RAVER1: variants seen among roughly 807,000 people sequenced by gnomAD.
The protein encoded by RAVER1 is ribonucleoprotein PTB-binding 1.
A neutral mutation model predicts 68.4 loss-of-function variants in RAVER1; 36 were observed. The observed-to-expected ratio is 0.53, with a 90% CI of 0.40 to 0.70. The LOEUF is 0.70. RAVER1 is among the 30% of genes least tolerant of loss of function. The pLI, the probability that RAVER1 is intolerant of heterozygous loss-of-function variation, is 0.00. For synonymous variants in RAVER1, 469 were observed against 472.7 expected (o/e 0.99, Z 0.10); for missense variants, 933 against 1,019.8 (o/e 0.91, Z 1.16).
intron 3 of RAVER1, among the ~76,000 whole-genome samples, chr19:10,325,530 C>T (rs796814770): frequency 2.0e-5 from 3 of 152,136 alleles, no homozygotes; most frequent in African/African-American, 7.2e-5. Context: ...TGCCATGAGA[C>T]AGGGTTTTAC....
At position 10,318,364 on chromosome 19, in the gene RAVER1, G is replaced by C; in HGVS notation, c.1854C>G (p.Pro618=). The C allele has an allele frequency of 6.3e-7, 1 of 1,598,772 alleles. No homozygotes were observed. Among genetic ancestry groups the C allele is most frequent in the South Asian group, 1.1e-5 (1 of 89,484 alleles). Residue 618 remains proline (P), a synonymous_variant, in exon 11 of 13, where the codon CCC becomes CCG. Transcript: ENST00000617231. ...TCCGTTCGCCGAAGCCACTGGGCGG[G>C]GGGGACATCTGTAGAAGAAGGGCCG... The part of the protein sequence containing the change: ...PHGPSRHKMS[P]PPSGFGERSS...
At position 10,328,652 on chromosome 19, in the gene RAVER1, G is replaced by A. The variant is rs370693781; in HGVS notation, c.746C>T (p.Thr249Ile). Residue 249 changes from threonine to isoleucine, a missense_variant, in exon 3 of 13, where the codon ACC (threonine) becomes ATC (isoleucine). Transcript: ENST00000617231. This position sits in a 1 kb window ranked among gnomAD's most constrained non-coding sequence, Gnocchi z 4.4. ...CTCCACAGGGCTCACCTGGCAGAAG[G>A]TGGGGCTGTGGACAGCTGACAGCGC... ...CRALSAVHSP[T>I]FCQLACGQDG... 2.6e-6 allele frequency: 4 copies of A among 1,558,926 alleles called. No individual in the cohort carries two copies. The highest frequency in any genetic ancestry group is 3.5e-6 in the Non-Finnish European group (4 of 1,151,402).
Position 10,329,231 on chromosome 19 carries a change from C to G in RAVER1, c.287-120G>C, listed in dbSNP as rs1486233163. On this transcript the variant is annotated intron_variant, in intron 2 of 12. Transcript: ENST00000617231. This position sits in a 1 kb window ranked among gnomAD's most constrained non-coding sequence, Gnocchi z 4.6. ...CTGGGCATCTCAGGTGCCTGCTGAT[C>G]TGAGCAGTTGCCAGCCTTGGCGACT... 2 of 667,182 alleles carry G rather than the reference C, an allele frequency of 3.0e-6. No homozygotes were observed. The highest frequency in any genetic ancestry group is 5.0e-6 in the Non-Finnish European group (2 of 397,008). The allele number at this position is 667,182 out of a possible 1,614,324, so 41.3% of individuals were successfully genotyped here.
Position 10,320,788 on chromosome 19 carries a change from G to A in RAVER1, c.1637C>T (p.Pro546Leu), listed in dbSNP as rs1472612579. The A allele has an allele frequency of 2.0e-6, 3 of 1,519,172 alleles. No homozygotes were observed. The highest frequency in any genetic ancestry group is 1.3e-5 in the South Asian group (1 of 79,088). The allele number at this position is 1,519,172 out of a possible 1,614,324, so 94.1% of individuals were successfully genotyped here. A position where few individuals can be genotyped will look rare whatever the true frequency, so the allele number is the denominator to read the frequency against. Residue 546 changes from proline to leucine, a missense_variant, in exon 9 of 13, where the codon CCC becomes CTC. By Grantham distance (98) the Pro-to-Leu change is moderately conservative. Coordinates refer to ENST00000617231, the MANE Select transcript of RAVER1 (RefSeq NM_133452.3). ...GCTGCTGCCACCTCCAGGGGCTGGG[G>A]GGTTAGTTGGGGGGCCCTCAGCTGG... ...RRPAEGPPTN[P>L]PAPGGGSSSS...
At position 10,318,267 on chromosome 19, in the gene RAVER1, C is replaced by T. The variant is rs764938056; in HGVS notation, c.1951G>A (p.Gly651Ser). Residue 651 changes from glycine to serine, a missense_variant, in exon 11 of 13, where the codon GGC becomes AGC. This residue lies in a region of RAVER1 where 699 missense variants were observed against 731.1 expected (regional missense o/e 0.96). Transcript: ENST00000617231. Reference protein sequence around the residue: ...SGSPTSYFTSGLQAGLKQSHL... With the variant: ...SGSPTSYFTSSLQAGLKQSHL... ...CTCTGCTTGAGGCCAGCCTGCAGGC[C>T]GCTGGTGAAGTAGGAAGTGGGCGAG... 1.7e-5 allele frequency: 27 copies of T among 1,604,944 alleles called. No individual in the cohort carries two copies. The highest frequency in any genetic ancestry group is 1.7e-4 in the Middle Eastern group (1 of 5,974).
Position 10,319,223 on chromosome 19 carries a change from C to T in RAVER1, c.1788G>A (p.Arg596=). The T allele has an allele frequency of 1.3e-5, 21 of 1,613,706 alleles. No individual in the cohort carries two copies. Among genetic ancestry groups the T allele is most frequent in the Non-Finnish European group, 1.7e-5 (20 of 1,179,680 alleles). The part of the protein sequence containing the change: ...FDYPSDMGPR[R]LFSHPREPAL... ...CTGGTTCCCGTGGGTGGGAGAAGAG[C>T]CGCCGAGGTCCCATGTCCTGAATGA... The change falls in exon 10 of 13, where the codon CGG becomes CGA. Residue 596 remains arginine, a synonymous_variant. Coordinates refer to ENST00000617231, the MANE Select transcript of RAVER1 (RefSeq NM_133452.3).
Position 10,328,974 on chromosome 19 carries a change from T to TG in RAVER1, c.423dup (p.Ser142GlnfsTer26). On this transcript the variant is annotated frameshift_variant, in exon 3 of 13. Transcript: ENST00000617231. LOFTEE classifies it high-confidence loss of function. This position sits in a 1 kb window ranked among gnomAD's most constrained non-coding sequence, Gnocchi z 4.4. ...TCCTCGAACTGCTGCTGTGTGAGGC[T>TG]GGGGGGCAGGTTGGCCACACACAGC... The TG allele has an allele frequency of 6.3e-7, 1 of 1,598,254 alleles. No homozygotes were observed. Among genetic ancestry groups the TG allele is most frequent in the Non-Finnish European group, 8.5e-7 (1 of 1,169,870 alleles).
In RAVER1 at chr19:10,323,246, G is replaced by C. The variant is rs749268467; in HGVS notation, c.977C>G (p.Pro326Arg). ...TALNRGKGLL[P>R]EPNILQLLNN... ...GAGCAGCTGCAGGATGTTGGGCTCG[G>C]GGAGGAGTCCCTTCCCCCGATTGAG... is the stretch of plus-strand genomic sequence containing the variant. The change falls in exon 5 of 13, where the codon CCC becomes CGC. Residue 326 changes from proline (P) to arginine (R), a missense_variant. By Grantham distance (103) the Pro-to-Arg change is moderately radical. Coordinates refer to ENST00000617231, the MANE Select transcript of RAVER1 (RefSeq NM_133452.3). The surrounding 1 kb of genome is among the most constrained non-coding windows in gnomAD (Gnocchi z 6.2). 1 of 1,613,504 alleles carries C rather than the reference G, an allele frequency of 6.2e-7. No individual in the cohort carries two copies. Among genetic ancestry groups the C allele is most frequent in the East Asian group, 2.2e-5 (1 of 44,874 alleles).
chr19:10,322,538 C>A lies in RAVER1; in HGVS notation c.1173+107G>T. 1 of 805,118 alleles carries A rather than the reference C, an allele frequency of 1.2e-6. No individual in the cohort carries two copies. The highest frequency in any genetic ancestry group is 1.9e-6 in the Non-Finnish European group (1 of 522,148). 49.9% of individuals were successfully genotyped at this position (805,118 alleles called of 1,614,324 possible). On this transcript the variant is annotated intron_variant, in intron 6 of 12. Transcript: ENST00000617231. This position sits in a 1 kb window ranked among gnomAD's most constrained non-coding sequence, Gnocchi z 4.3. Reference sequence around the variant, plus strand: ...AGTCGCCCTCACCCTGGTTCTGCGCCCCCAGGGCACAGCCAGAGGTCCCCC... The same window carrying A: ...AGTCGCCCTCACCCTGGTTCTGCGCACCCAGGGCACAGCCAGAGGTCCCCC...
At chr19:10,326,706 C>T (rs1468814156) in intron 3 of RAVER1, among the ~76,000 whole-genome samples, 1 of 150,780 alleles carries the variant, frequency 6.6e-6, no homozygotes, top group African/African-American at 2.4e-5. Context: ...CCGTCCGTCT[C>T]GGCCTCCAAA....
chr19:10,322,252 T>G lies in RAVER1; in HGVS notation c.1173+393A>C. On this transcript the variant is annotated intron_variant, in intron 6 of 12. Coordinates refer to ENST00000617231, the MANE Select transcript of RAVER1 (RefSeq NM_133452.3). The surrounding 1 kb of genome is among the most constrained non-coding windows in gnomAD (Gnocchi z 4.3). ...TGTGCGTGTGTGTGTGTGCACACAC[T>G]GAGGGGATAGACCTGGAGTTTTTTC... is the stretch of plus-strand genomic sequence containing the variant. The G allele has an allele frequency of 4.3e-6, 1 of 233,828 alleles. No homozygotes were observed. Among genetic ancestry groups the G allele is most frequent in the Non-Finnish European group, 8.3e-6 (1 of 120,938 alleles). The allele number at this position is 233,828 out of a possible 1,614,324, so 14.5% of individuals were successfully genotyped here. A position where few individuals can be genotyped will look rare whatever the true frequency, so the allele number is the denominator to read the frequency against.
rs969418692 is a variant in RAVER1 at position 10,333,031 on chromosome 19, G to A, written c.219+258C>T. Among the ~76,000 whole-genome samples, 3 of 150,922 alleles carry A rather than the reference G, an allele frequency of 2.0e-5. No homozygotes were observed. The highest frequency in any genetic ancestry group is 7.3e-5 in the African/African-American group (3 of 40,966). On this transcript the variant is annotated intron_variant, in intron 1 of 12. Transcript: ENST00000617231. This position sits in a 1 kb window ranked among gnomAD's most constrained non-coding sequence, Gnocchi z 4.2. ...AGCTGTCCGCCCCCTTCCATTCCCC[G>A]CCCGCTTCCATCACTTGGTGTCGCC...
Position 10,333,439 on chromosome 19 carries a change from G to T in RAVER1, c.69C>A (p.Ala23=), listed in dbSNP as rs1286863545. 9 of 1,612,976 alleles carry T rather than the reference G, an allele frequency of 5.6e-6. No individual in the cohort carries two copies. The highest frequency in any genetic ancestry group is 7.6e-6 in the Non-Finnish European group (9 of 1,179,790). ...LSPKSGAEVE[A]GDAAERRAPE... ...GCGCCCGGCGCTCCGCGGCATCGCC[G>T]GCTTCGACTTCGGCCCCAGACTTAG... Residue 23 remains alanine (A), a synonymous_variant, in exon 1 of 13, where the codon GCC becomes GCA. Transcript: ENST00000617231. The surrounding 1 kb of genome is among the most constrained non-coding windows in gnomAD (Gnocchi z 4.2).
In RAVER1 at chr19:10,318,371, A is replaced by G. The variant is rs937264812; in HGVS notation, c.1847T>C (p.Met616Thr). Residue 616 changes from methionine (M) to threonine (T), a missense_variant and splice_region_variant, in exon 11 of 13, where the codon ATG becomes ACG. Physicochemically the swap from Met to Thr is moderately conservative, Grantham distance 81. This residue lies in a region of RAVER1 where 699 missense variants were observed against 731.1 expected (regional missense o/e 0.96). Coordinates refer to ENST00000617231, the MANE Select transcript of RAVER1 (RefSeq NM_133452.3). ...LGPHGPSRHKMSPPPSGFGER... is the reference protein window; with the variant it reads ...LGPHGPSRHKTSPPPSGFGER... ...GCCGAAGCCACTGGGCGGGGGGGAC[A>G]TCTGTAGAAGAAGGGCCGGTGGAGT... The G allele has an allele frequency of 4.4e-6, 7 of 1,595,866 alleles. No homozygotes were observed. Among genetic ancestry groups the G allele is most frequent in the Non-Finnish European group, 6.0e-6 (7 of 1,173,660 alleles).
intron 9 of RAVER1, 54 bp from the exon 10 acceptor site, chr19:10,319,294 C>G: frequency 2.6e-6 from 4 of 1,545,400 alleles, no homozygotes; most frequent in Non-Finnish European, 3.6e-6. Flanking sequence ...AGCCTCACCC[C>G]TGGCTGAACT....
At chr19:10,330,413 C>T (rs774120749) in intron 2 of RAVER1, 47 bp downstream of exon 2, 2 of 896,748 alleles carry the variant, frequency 2.2e-6, no homozygotes, top group Non-Finnish European at 3.6e-6. Flanking sequence ...CTCCCATCTT[C>T]AGGGATGGTC....
At position 10,333,395 on chromosome 19, in the gene RAVER1, G is replaced by A; in HGVS notation, c.113C>T (p.Pro38Leu). 1 of 1,613,834 alleles carries A rather than the reference G, an allele frequency of 6.2e-7. No homozygotes were observed. The highest frequency in any genetic ancestry group is 8.5e-7 in the Non-Finnish European group (1 of 1,179,786). ...TTTCCGGATCTCTTCTGGATCTAGA[G>A]GCGGCAGCTCTTCTTCCGGCGCCCG... Reference protein sequence around the residue: ...ERRAPEEELPPLDPEEIRKRL... With the variant: ...ERRAPEEELPLLDPEEIRKRL... The change falls in exon 1 of 13, where the codon CCT becomes CTT. Residue 38 changes from proline to leucine, a missense_variant. Transcript: ENST00000617231. This position sits in a 1 kb window ranked among gnomAD's most constrained non-coding sequence, Gnocchi z 4.2.
chr19:10,318,804 C>T (rs775628771), intron 10 of RAVER1, among the ~76,000 whole-genome samples: 1 of 152,202 alleles, frequency 6.6e-6, no homozygotes, highest in Non-Finnish European at 1.5e-5. Context: ...CCTGTGGACG[C>T]CAAATATGTG....
chr19:10,328,795 G>A lies in RAVER1; in HGVS notation c.603C>T (p.Arg201=), dbSNP rs757079866. The part of the protein sequence containing the change: ...SDLLGKPLGP[R]TLYVHWTDAG... Reference sequence around the variant, plus strand: ...CATCCGTCCAGTGCACGTAGAGGGTGCGTGGTCCCAGCGGCTTGCCCAGCA... The same window carrying A: ...CATCCGTCCAGTGCACGTAGAGGGTACGTGGTCCCAGCGGCTTGCCCAGCA... The change falls in exon 3 of 13, where the codon CGC becomes CGT. Residue 201 remains arginine (R), a synonymous_variant. Coordinates refer to ENST00000617231, the MANE Select transcript of RAVER1 (RefSeq NM_133452.3). This position sits in a 1 kb window ranked among gnomAD's most constrained non-coding sequence, Gnocchi z 4.4. The A allele has an allele frequency of 5.0e-6, 8 of 1,613,204 alleles. No individual in the cohort carries two copies. The highest frequency in any genetic ancestry group is 5.9e-6 in the Non-Finnish European group (7 of 1,179,874).
Sources: allele counts gnomAD v4.1 joint callset (sites outside exome capture counted in the v4.1 genomes callset), GRCh38; gene constraint gnomAD v4.1.1; regional missense constraint gnomAD v4.1.1; non-coding constraint Gnocchi (gnomAD v3.1); transcripts MANE v1.5; gene names NCBI Gene and HGNC (gene_info 2026-07-23, HGNC 2026-07-21).